The following OXNAD1 variants were observed in gnomAD, a reference collection of about 807,000 sequenced individuals.
The protein encoded by OXNAD1 is oxidoreductase NAD-binding domain-containing protein 1.
Under a neutral mutation model 32.9 loss-of-function variants are expected in OXNAD1, and 34 were observed. The ratio of observed to expected loss-of-function variants is 1.03; its 90% CI spans 0.79 to 1.38. The LOEUF is 1.38. OXNAD1 is among the 40% of genes most tolerant of loss of function. The probability of loss-of-function intolerance (pLI) is 0.00; values close to 1 mark genes in which losing one functional copy is unlikely to be tolerated. For synonymous variants in OXNAD1, 134 were observed against 135.2 expected, an observed-to-expected ratio of 0.99 and a Z score of 0.06; for missense variants, 407 against 379.4, an observed-to-expected ratio of 1.07 and a Z score of -0.60.
At chr3:16,278,652 C>A (rs1253690707) in intron 4 of OXNAD1, among the ~76,000 whole-genome samples, 1 of 152,200 alleles carries the variant, frequency 6.6e-6, no homozygotes, top group Non-Finnish European at 1.5e-5. Flanking sequence ...GAACTCAGAT[C>A]TTTGATAATA....
At position 16,322,382 on chromosome 3, in the gene OXNAD1, G is replaced by A. The variant is rs2069168863; in HGVS notation, c.*31-14730G>A. Among the ~76,000 whole-genome samples the A allele has an allele frequency of 6.6e-6, 1 of 152,188 alleles. No individual in the cohort carries two copies. The highest frequency in any genetic ancestry group is 2.4e-5 in the African/African-American group (1 of 41,442). Reference sequence around the variant, plus strand: ...GCTGCTCCAATCTGTTCATTTACTTGATGCTCCTTCCCAGGGCTCTGTGTC... The same window carrying A: ...GCTGCTCCAATCTGTTCATTTACTTAATGCTCCTTCCCAGGGCTCTGTGTC... On this transcript the variant is annotated intron_variant, in intron 9 of 9. Transcript: ENST00000435829. This position sits in a 1 kb window ranked among gnomAD's most constrained non-coding sequence, Gnocchi z 6.2.
At chr3:16,281,544 C>T (rs536174863) in intron 4 of OXNAD1, among the ~76,000 whole-genome samples, 257 of 152,202 alleles carry the variant, frequency 1.7e-3, no homozygotes, top group African/African-American at 1.5e-3. Flanking sequence ...TAAACACTTC[C>T]GGTCCAAGCA....
chr3:16,308,246 T>TATCA (rs1205118964), downstream of OXNAD1, among the ~76,000 whole-genome samples: 7 of 152,338 alleles, frequency 4.6e-5, no homozygotes, highest in East Asian at 1.9e-4. This position sits in a 1 kb window ranked among gnomAD's most constrained non-coding sequence, Gnocchi z 4.4. Context: ...TTTTTGCACC[T>TATCA]ATCACTGTTT....
At position 16,303,710 on chromosome 3, in the gene OXNAD1, C is replaced by A; in HGVS notation, c.*148C>A. 1.2e-6 allele frequency: 1 copy of A among 828,874 alleles called. No homozygotes were observed. Among genetic ancestry groups the A allele is most frequent in the Non-Finnish European group, 1.7e-6 (1 of 575,726 alleles). 51.3% of individuals were successfully genotyped at this position (828,874 alleles called of 1,614,324 possible). A position where few individuals can be genotyped will look rare whatever the true frequency, so the allele number is the denominator to read the frequency against. ...TTAGTGACCAGCTGGATAATAAAAG[C>A]CAGCTGGCAGACTTAAATGATAAAC... On this transcript the variant is annotated 3_prime_UTR_variant, in exon 9 of 9. Coordinates refer to ENST00000285083, the MANE Select transcript of OXNAD1 (RefSeq NM_138381.5). The surrounding 1 kb of genome is among the most constrained non-coding windows in gnomAD (Gnocchi z 4.8).
chr3:16,287,767 T>C lies in OXNAD1; in HGVS notation c.290+1319T>C, dbSNP rs947569301. On this transcript the variant is annotated intron_variant, in intron 5 of 8. Coordinates refer to ENST00000285083, the MANE Select transcript of OXNAD1 (RefSeq NM_138381.5). This position sits in a 1 kb window ranked among gnomAD's most constrained non-coding sequence, Gnocchi z 4.8. Reference sequence around the variant, plus strand: ...AATGCACTTGCTAACCTCAGTTACCTGATAAGAAAATGTCCTCATTCCCTA... The same window carrying C: ...AATGCACTTGCTAACCTCAGTTACCCGATAAGAAAATGTCCTCATTCCCTA... Among the ~76,000 whole-genome samples, 1 of 152,212 alleles carries C rather than the reference T, an allele frequency of 6.6e-6. No individual in the cohort carries two copies. Among genetic ancestry groups the C allele is most frequent in the South Asian group, 2.1e-4 (1 of 4,830 alleles).
chr3:16,271,042 C>T lies in OXNAD1; in HGVS notation c.90C>T (p.Leu30=). 6.2e-7 allele frequency: 1 copy of T among 1,614,166 alleles called. No individual in the cohort carries two copies. Among genetic ancestry groups the T allele is most frequent in the Middle Eastern group, 1.7e-4 (1 of 6,060 alleles). The stretch of plus-strand genomic sequence containing the variant: ...AGGCTGCGTCACTGAGATTGACACT[C>T]AGCACTTTGCGCCACCTTACTCTAA... ...RIEAASLRLT[L]STLRHLTLTS... Residue 30 remains leucine (L), a synonymous_variant, in exon 3 of 9, where the codon CTC becomes CTT. Transcript: ENST00000285083. This position sits in a 1 kb window ranked among gnomAD's most constrained non-coding sequence, Gnocchi z 4.6.
rs1233949220 is a variant in OXNAD1, at chr3:16,300,659, C to G, written c.433-967C>G. Among the ~76,000 whole-genome samples the G allele has an allele frequency of 2.0e-5, 3 of 152,192 alleles. No individual in the cohort carries two copies. The East Asian group carries it at 5.8e-4, about 29-fold the overall frequency. On this transcript the variant is annotated intron_variant, in intron 6 of 8. Coordinates refer to ENST00000285083, the MANE Select transcript of OXNAD1 (RefSeq NM_138381.5). ...AATGGTGTGCTGGCAAACCAGCTGT[C>G]TGAATTTATCTGAGTTGTATCATTT...
At chr3:16,340,148 G>T (rs2071216998), downstream of OXNAD1, among the ~76,000 whole-genome samples, 1 of 152,148 alleles carries the variant, frequency 6.6e-6, no homozygotes, top group African/African-American at 2.4e-5. Flanking sequence ...CTGTTCCATT[G>T]CCACGCATTA....
chr3:16,295,107 T>C (rs2066691386), intron 6 of OXNAD1, 110 bp downstream of exon 6: 2 of 1,278,230 alleles, frequency 1.6e-6, no homozygotes, highest in East Asian at 5.1e-5. Context: ...AGTAAAAGGG[T>C]ACATGCCCAG....
downstream of OXNAD1, among the ~76,000 whole-genome samples, chr3:16,306,938 A>G (rs1424598524): frequency 6.6e-6 from 1 of 152,090 alleles, no homozygotes; most frequent in East Asian, 1.9e-4. Flanking sequence ...ACTTTCACCT[A>G]ATTGTTTTAG....
At chr3:16,307,921 T>C (rs2067681844), downstream of OXNAD1, among the ~76,000 whole-genome samples, 1 of 152,160 alleles carries the variant, frequency 6.6e-6, no homozygotes. Context: ...TTCTGTTTTT[T>C]TAAGAGGAGT....
chr3:16,285,085 G>A (rs1356160063), intron 4 of OXNAD1, among the ~76,000 whole-genome samples: 1 of 152,152 alleles, frequency 6.6e-6, no homozygotes, highest in Non-Finnish European at 1.5e-5. Flanking sequence ...TTTAGGAGAG[G>A]AGCAAGAGAG....
rs1306687529 is a variant in OXNAD1 at position 16,335,015 on chromosome 3, C to T, written c.*31-2097C>T. On this transcript the variant is annotated intron_variant, in intron 9 of 9. Coordinates refer to the OXNAD1 transcript ENST00000435829. The surrounding 1 kb of genome is among the most constrained non-coding windows in gnomAD (Gnocchi z 4.7). ...CTGGCAATGGTCGGTAACAGATTGTCTCCTAAAAGTCTCCACAAAGAATGT... is the reference window on the plus strand; with the variant it reads ...CTGGCAATGGTCGGTAACAGATTGTTTCCTAAAAGTCTCCACAAAGAATGT... 1.3e-5 allele frequency among the ~76,000 whole-genome samples: 2 copies of T among 152,216 alleles called. No homozygotes were observed. The highest frequency in any genetic ancestry group is 2.9e-5 in the Non-Finnish European group (2 of 68,042).
At chr3:16,341,710 A>G (rs1042644001), downstream of OXNAD1, among the ~76,000 whole-genome samples, 1 of 152,212 alleles carries the variant, frequency 6.6e-6, no homozygotes, top group Non-Finnish European at 1.5e-5. This position sits in a 1 kb window ranked among gnomAD's most constrained non-coding sequence, Gnocchi z 4.7. Flanking sequence ...GCAAAAACCC[A>G]CCAATGGAAA....
chr3:16,310,744 C>CTT (rs2067913029), downstream of OXNAD1, among the ~76,000 whole-genome samples: 1 of 152,098 alleles, frequency 6.6e-6, no homozygotes, highest in South Asian at 2.1e-4. Flanking sequence ...AATCTCAGCA[C>CTT]TTTGGGAGGC....
rs879802421 is a variant in OXNAD1, at chr3:16,345,828, GTGCGCGCA to G, written c.*31-3347_*31-3340del. 0.046 allele frequency among the ~76,000 whole-genome samples: 3,484 copies of G among 75,590 alleles called. 75 individuals carry two copies. Among genetic ancestry groups the G allele is most frequent in the South Asian group, 0.079 (123 of 1,548 alleles). 49.6% of individuals were successfully genotyped at this position (75,590 alleles called of 152,430 possible). A position where few individuals can be genotyped will look rare whatever the true frequency, so the allele number is the denominator to read the frequency against. ...TGTGTGTGTGTGTGTGCGCGCGCGC[GTGCGCGCA>G]CGCGCACATGTGCATGTGTATGTGT... On this transcript the variant is annotated intron_variant, in intron 9 of 9. Transcript: ENST00000606098. This position sits in a 1 kb window ranked among gnomAD's most constrained non-coding sequence, Gnocchi z 5.2.
At position 16,276,301 on chromosome 3, in the gene OXNAD1, G is replaced by A. The variant is rs115107563; in HGVS notation, c.183+4579G>A. 1,715 of 197,572 alleles carry A rather than the reference G, an allele frequency of 8.7e-3. 36 individuals carry two copies. The highest frequency in any genetic ancestry group is 0.039 in the African/African-American group (1,616 of 41,918). The allele number at this position is 197,572 out of a possible 1,614,324, so 12.2% of individuals were successfully genotyped here. ...GTGATTTTTCTGATTTGGCTTTTAG[G>A]CATACTTTTTTCTCATCTTCCAATT... On this transcript the variant is annotated intron_variant, in intron 4 of 8. Transcript: ENST00000285083.
chr3:16,307,696 A>G (rs868404490), downstream of OXNAD1, among the ~76,000 whole-genome samples: 3 of 152,336 alleles, frequency 2.0e-5, no homozygotes, highest in Middle Eastern at 3.4e-3. Flanking sequence ...TGGGGTCAAG[A>G]GAACATTTAT....
intron 9 of OXNAD1, among the ~76,000 whole-genome samples, chr3:16,319,056 G>T (rs1219055801): frequency 6.6e-6 from 1 of 152,188 alleles, no homozygotes. Flanking sequence ...CAGGCACCGT[G>T]TTATGGTTCG....
Sources: allele counts gnomAD v4.1 joint callset (sites outside exome capture counted in the v4.1 genomes callset), GRCh38; gene constraint gnomAD v4.1.1; non-coding constraint Gnocchi (gnomAD v3.1); transcripts MANE v1.5; gene names NCBI Gene and HGNC (gene_info 2026-07-23, HGNC 2026-07-21).